The following ANKH variants were observed in gnomAD, a reference collection of about 807,000 sequenced individuals.
ANKH encodes the protein ANKH inorganic pyrophosphate transport regulator, also known as mineralization regulator ANKH.
ANKH carries 15 observed loss-of-function variants against 49.0 expected under a neutral mutation model. The ratio of observed to expected loss-of-function variants is 0.31; its 90% CI spans 0.20 to 0.47. The LOEUF (loss-of-function observed/expected upper bound fraction) is 0.47, where lower values mean the gene tolerates loss of function less well. Among genes scored for constraint, ANKH ranks in the 20% least tolerant of loss-of-function variants. The pLI is 1.00. For missense variants in ANKH, 429 were observed against 652.0 expected, an observed-to-expected ratio of 0.66 and a Z score of 3.72; for synonymous variants, 273 against 260.0, an observed-to-expected ratio of 1.05 and a Z score of -0.48.
intron 2 of ANKH, among the ~76,000 whole-genome samples, chr5:14,767,840 CAG>C: frequency 6.6e-6 from 1 of 152,014 alleles, no homozygotes; most frequent in East Asian, 1.9e-4. Flanking sequence ...TCAAATGTAG[CAG>C]AAATTTACTT....
At chr5:14,716,867 G>A (rs1737483689) in intron 8 of ANKH, 32 bp from the exon 9 acceptor site, 1 of 1,612,102 alleles carries the variant, frequency 6.2e-7, no homozygotes, top group Non-Finnish European at 8.5e-7. Context: ...AGGGTTGTGA[G>A]GAAAAAGTGT....
At chr5:14,803,906 G>GT (rs980511292) in intron 1 of ANKH, among the ~76,000 whole-genome samples, 1 of 151,842 alleles carries the variant, frequency 6.6e-6, no homozygotes, top group Admixed American at 6.6e-5. Context: ...CCCCAACTTT[G>GT]TTTTTTTAGA....
At chr5:14,784,559 T>C (rs1425198878) in intron 1 of ANKH, among the ~76,000 whole-genome samples, 5 of 152,236 alleles carry the variant, frequency 3.3e-5, no homozygotes, top group African/African-American at 1.2e-4. Flanking sequence ...TTTAAAGTCA[T>C]GGCTACCTAG....
At chr5:14,723,394 G>T (rs1737729879) in intron 8 of ANKH, among the ~76,000 whole-genome samples, 1 of 151,736 alleles carries the variant, frequency 6.6e-6, no homozygotes, top group South Asian at 2.1e-4. Flanking sequence ...GCTGGGCATG[G>T]TGGATGCCTG....
chr5:14,814,933 G>C (rs896644035), intron 1 of ANKH, among the ~76,000 whole-genome samples: 1 of 152,150 alleles, frequency 6.6e-6, no homozygotes, highest in African/African-American at 2.4e-5. Context: ...ACTAAACAAG[G>C]CCCTTTTACT....
intron 1 of ANKH, among the ~76,000 whole-genome samples, chr5:14,826,473 T>C (rs1370422086): frequency 6.6e-6 from 1 of 152,238 alleles, no homozygotes; most frequent in African/African-American, 2.4e-5. Flanking sequence ...TCATGCCTTT[T>C]TGGTAATTCC....
rs895863143 is a variant in ANKH, at chr5:14,751,237, A to C, written c.519T>G (p.Val173=). The C allele has an allele frequency of 4.3e-6, 7 of 1,614,022 alleles. No homozygotes were observed. Among genetic ancestry groups the C allele is most frequent in the Non-Finnish European group, 5.9e-6 (7 of 1,180,024 alleles). Residue 173 remains valine, a splice_region_variant and synonymous_variant, in exon 5 of 12, where the codon GTT becomes GTG. Transcript: ENST00000284268. ...CASISDVIAQ[V]VFVAILLHSH... is the part of the protein sequence containing the mutation. Reference sequence around the variant, plus strand: ...TGTGAAGCAAAATGGCTACAAAAACAACCTGAGAGAAGGGAGAACGGGAAC... The same window carrying C: ...TGTGAAGCAAAATGGCTACAAAAACCACCTGAGAGAAGGGAGAACGGGAAC...
chr5:14,762,125 T>G (rs1305496777), intron 2 of ANKH, among the ~76,000 whole-genome samples: 1 of 152,224 alleles, frequency 6.6e-6, no homozygotes, highest in Non-Finnish European at 1.5e-5. Flanking sequence ...CCAAGGCCAC[T>G]GGGAAGTGTG....
chr5:14,711,949 A>G (rs182004942), intron 11 of ANKH, among the ~76,000 whole-genome samples: 1 of 152,182 alleles, frequency 6.6e-6, no homozygotes, highest in Admixed American at 6.5e-5. Flanking sequence ...CTGTCTGCCA[A>G]CCCCGCTGGT....
At position 14,725,376 on chromosome 5, in the gene ANKH, G is replaced by GCCTT. The variant is rs201568630; in HGVS notation, c.1012-8545_1012-8542dup. ...GACTCCATAAAGTAAATCGATGCCT[G>GCCTT]CCTTCCTTAAGAAAGTCTTGCCATC... is the stretch of plus-strand genomic sequence containing the variant. On this transcript the variant is annotated intron_variant, in intron 8 of 11. Transcript: ENST00000284268. The surrounding 1 kb of genome is among the most constrained non-coding windows in gnomAD (Gnocchi z 4.0). Among the ~76,000 whole-genome samples, 3,330 of 152,316 alleles carry GCCTT rather than the reference G, an allele frequency of 0.022. 47 individuals are homozygous for GCCTT. The highest frequency in any genetic ancestry group is 0.037 in the Middle Eastern group (11 of 294).
chr5:14,837,717 G>A (rs1029678466), intron 1 of ANKH, among the ~76,000 whole-genome samples: 51 of 152,170 alleles, frequency 3.4e-4, no homozygotes, highest in African/African-American at 1.1e-3. Context: ...ACAGTGTGGC[G>A]ATTCCTCAGG....
chr5:14,830,027 T>C (rs1741456171), intron 1 of ANKH, among the ~76,000 whole-genome samples: 1 of 152,186 alleles, frequency 6.6e-6, no homozygotes, highest in African/African-American at 2.4e-5. Context: ...CTTTTGTCTG[T>C]ATGAGAGATG....
intron 1 of ANKH, among the ~76,000 whole-genome samples, chr5:14,865,847 G>A (rs971470527): frequency 4.6e-5 from 7 of 152,188 alleles, no homozygotes; most frequent in African/African-American, 1.7e-4. Context: ...TACTGTGGAA[G>A]CCTAACTCTA....
Position 14,712,982 on chromosome 5 carries a change from G to A in ANKH, c.1266-9C>T. The A allele has an allele frequency of 6.2e-7, 1 of 1,610,316 alleles. No individual in the cohort carries two copies. The highest frequency in any genetic ancestry group is 8.5e-7 in the Non-Finnish European group (1 of 1,178,552). On this transcript the variant is annotated splice_polypyrimidine_tract_variant and intron_variant, in intron 10 of 11. Transcript: ENST00000284268. ...GGGTCGCACCGTGCACCCTGCAGAT[G>A]AGAACACAAAGGCAATTTGTCTGTT...
chr5:14,849,714 A>G (rs1018859519), intron 1 of ANKH, among the ~76,000 whole-genome samples: 40 of 152,344 alleles, frequency 2.6e-4, no homozygotes, highest in African/African-American at 8.7e-4. Context: ...ATCTGGGTCT[A>G]TTCAGCTCAT....
chr5:14,765,553 C>T (rs10513186), intron 2 of ANKH, among the ~76,000 whole-genome samples: 23,364 of 151,968 alleles, frequency 0.15, 2,040 homozygotes, highest in Middle Eastern at 0.28. Context: ...AAATCCATTA[C>T]CAAGCACAAA....
At chr5:14,793,104 T>C (rs2126548449) in intron 1 of ANKH, among the ~76,000 whole-genome samples, 1 of 138,414 alleles carries the variant, frequency 7.2e-6, no homozygotes, top group Non-Finnish European at 1.5e-5. Flanking sequence ...TATTTATTTA[T>C]TTATATATTA....
chr5:14,732,957 C>A (rs930275760), intron 8 of ANKH, among the ~76,000 whole-genome samples: 1 of 152,164 alleles, frequency 6.6e-6, no homozygotes, highest in East Asian at 1.9e-4. Flanking sequence ...GAGCCACAGG[C>A]GTGACAGACA....
At chr5:14,730,222 C>G (rs1280342966) in intron 8 of ANKH, among the ~76,000 whole-genome samples, 1 of 152,174 alleles carries the variant, frequency 6.6e-6, no homozygotes, top group African/African-American at 2.4e-5. Context: ...CAAAGTTTCT[C>G]CCCAGAAGCT....
Sources: allele counts gnomAD v4.1 joint callset (sites outside exome capture counted in the v4.1 genomes callset), GRCh38; gene constraint gnomAD v4.1.1; non-coding constraint Gnocchi (gnomAD v3.1); transcripts MANE v1.5; gene names NCBI Gene and HGNC (gene_info 2026-07-23, HGNC 2026-07-21).